Variants in RBFOX1 observed in about 807,000 individuals in gnomAD.
RBFOX1 encodes RNA binding fox-1 homolog 1.
In RBFOX1, 8 loss-of-function variants were observed where a neutral mutation model predicts 57.7. That is an observed-to-expected ratio of 0.14 (90% CI 0.08 to 0.25). RBFOX1 has a LOEUF of 0.25. Among genes scored for constraint, RBFOX1 ranks in the 10% least tolerant of loss-of-function variants. RBFOX1 has a pLI of 1.00. For synonymous variants in RBFOX1, 326 were observed against 222.4 expected, an observed-to-expected ratio of 1.47 and a Z score of -4.15; for missense variants, 611 against 548.5, an observed-to-expected ratio of 1.11 and a Z score of -1.14.
chr16:6,374,401 A>G (rs886345288), intron 2 of RBFOX1, among the ~76,000 whole-genome samples: 1 of 152,110 alleles, frequency 6.6e-6, no homozygotes, highest in Non-Finnish European at 1.5e-5. Context: ...ATCCTTTTCT[A>G]TTTTCTCATA....
At chr16:7,437,151 G>A (rs1039869947) in intron 4 of RBFOX1, among the ~76,000 whole-genome samples, 6 of 151,874 alleles carry the variant, frequency 4.0e-5, no homozygotes, top group East Asian at 1.9e-4. Flanking sequence ...CCATAGGATC[G>A]TTTAATCTGT....
chr16:5,918,706 TAC>T (rs1490689182), intron 4 of RBFOX1, among the ~76,000 whole-genome samples: 1 of 152,228 alleles, frequency 6.6e-6, no homozygotes, highest in African/African-American at 2.4e-5. Flanking sequence ...ACTCCAGAGT[TAC>T]AAAGTACCCA....
Position 6,021,017 on chromosome 16 carries a change from C to T in RBFOX1, c.-127+1025C>T, listed in dbSNP as rs528551004. On this transcript the variant is annotated intron_variant, in intron 1 of 15. Coordinates refer to ENST00000550418, the MANE Select transcript of RBFOX1 (RefSeq NM_018723.4). The stretch of plus-strand genomic sequence containing the variant: ...CAGAGCTGGGGTGCACCTGCTGGCA[C>T]TGGAACATCTGGGGTGCGGCTACTG... Among the ~76,000 whole-genome samples, 5 of 152,296 alleles carry T rather than the reference C, an allele frequency of 3.3e-5. No homozygotes were observed. In the South Asian group the frequency reaches 8.3e-4, roughly 25 times the overall value.
At chr16:6,854,252 T>C (rs985106743) in intron 3 of RBFOX1, among the ~76,000 whole-genome samples, 10 of 152,240 alleles carry the variant, frequency 6.6e-5, no homozygotes, top group Admixed American at 6.5e-4. Context: ...CATATACCAT[T>C]AGCACCATTT....
At chr16:6,142,377 G>A (rs922676682) in intron 1 of RBFOX1, among the ~76,000 whole-genome samples, 2 of 151,286 alleles carry the variant, frequency 1.3e-5, no homozygotes, top group Non-Finnish European at 2.9e-5. Flanking sequence ...GCCCGCCTCC[G>A]CACGTGGCTA....
At chr16:6,876,372 A>G (rs1257939569) in intron 3 of RBFOX1, among the ~76,000 whole-genome samples, 1 of 152,050 alleles carries the variant, frequency 6.6e-6, no homozygotes, top group Non-Finnish European at 1.5e-5. Context: ...TATTAATACC[A>G]TCCAACCCCT....
At chr16:7,496,050 A>G (rs2068534569) in intron 4 of RBFOX1, among the ~76,000 whole-genome samples, 1 of 152,218 alleles carries the variant, frequency 6.6e-6, no homozygotes, top group South Asian at 2.1e-4. Flanking sequence ...GTGTGGTGGG[A>G]AGATACTAGG....
chr16:6,351,819 C>T (rs1222708835), intron 2 of RBFOX1, among the ~76,000 whole-genome samples: 9 of 152,082 alleles, frequency 5.9e-5, no homozygotes, highest in Non-Finnish European at 7.4e-5. Flanking sequence ...TTAGCATTTC[C>T]TGAGGTACGT....
At chr16:5,242,812 A>C (rs2062199647) in intron 1 of RBFOX1, among the ~76,000 whole-genome samples, 1 of 152,012 alleles carries the variant, frequency 6.6e-6, no homozygotes, top group Admixed American at 6.6e-5. Flanking sequence ...TGAGGTTTTA[A>C]TGTGACTGGG....
At chr16:7,191,339 G>GA (rs71147668) in intron 4 of RBFOX1, among the ~76,000 whole-genome samples, 5,744 of 142,714 alleles carry the variant, frequency 0.04, 149 homozygotes, top group South Asian at 0.098. Context: ...GACAAAAAAA[G>GA]AAAAAAAAAA....
chr16:6,796,066 G>C (rs766541947), intron 3 of RBFOX1, among the ~76,000 whole-genome samples: 5 of 152,090 alleles, frequency 3.3e-5, no homozygotes, highest in African/African-American at 4.8e-5. Flanking sequence ...ATTTACAAAA[G>C]AAAGAGGTTT....
At chr16:6,462,776 G>A (rs1321520244) in intron 2 of RBFOX1, among the ~76,000 whole-genome samples, 1 of 150,506 alleles carries the variant, frequency 6.6e-6, no homozygotes, top group Middle Eastern at 3.2e-3. Flanking sequence ...AACACTGGAT[G>A]TTAGCAATCT....
intron 4 of RBFOX1, among the ~76,000 whole-genome samples, chr16:7,312,982 C>T (rs1211290854): frequency 6.6e-6 from 1 of 151,962 alleles, no homozygotes; most frequent in Non-Finnish European, 1.5e-5. Context: ...TCAGGATGGA[C>T]CGGGGAAGCT....
chr16:6,727,941 G>A (rs76520934), intron 3 of RBFOX1, among the ~76,000 whole-genome samples: 2,546 of 152,196 alleles, frequency 0.017, 38 homozygotes, highest in Middle Eastern at 0.031. Context: ...TACTACGTAC[G>A]CACAGAGATG....
At chr16:6,245,045 G>A (rs752258298) in intron 1 of RBFOX1, among the ~76,000 whole-genome samples, 22 of 151,900 alleles carry the variant, frequency 1.4e-4, no homozygotes, top group Admixed American at 9.2e-4. Context: ...ATTCTTCCTC[G>A]TCCTCTTGTT....
At chr16:6,013,888 C>T (rs1193907150) in intron 4 of RBFOX1, among the ~76,000 whole-genome samples, 1 of 148,816 alleles carries the variant, frequency 6.7e-6, no homozygotes, top group Non-Finnish European at 1.5e-5. Flanking sequence ...CGCATGTTTT[C>T]ACTCACAGGT....
rs7403941 is a variant in RBFOX1, at chr16:7,514,913, C to A, written c.28-3234C>A. 1.1e-4 allele frequency among the ~76,000 whole-genome samples: 17 copies of A among 152,274 alleles called. No homozygotes were observed. The East Asian group carries it at 3.1e-3, about 28-fold the overall frequency. ...TTATATATGTTCCTGGTGAAAGTAT[C>A]TTCTGCTGGAGGTGGAGGAGGGAAA... On this transcript the variant is annotated intron_variant, in intron 4 of 15. Coordinates refer to ENST00000550418, the MANE Select transcript of RBFOX1 (RefSeq NM_018723.4).
chr16:7,110,138 C>T (rs1396918647), intron 4 of RBFOX1, among the ~76,000 whole-genome samples: 1 of 149,966 alleles, frequency 6.7e-6, no homozygotes, highest in African/African-American at 2.5e-5. Flanking sequence ...TTGTTTGAGG[C>T]CAGGAGTGTG....
In RBFOX1 at chr16:6,158,859, G is replaced by A. The variant is rs140586314; in HGVS notation, c.-127+138867G>A. On this transcript the variant is annotated intron_variant, in intron 1 of 15. Transcript: ENST00000550418. ...TAGACAGGCACCTATTAAAAGTGAA[G>A]TTGGTTTTCTAGCTTTTTCTGACTA... Among the ~76,000 whole-genome samples the A allele has an allele frequency of 3.3e-5, 5 of 152,046 alleles. No homozygotes were observed. The East Asian group carries it at 7.8e-4, about 24-fold the overall frequency.
Sources: allele counts gnomAD v4.1 joint callset (sites outside exome capture counted in the v4.1 genomes callset), GRCh38; gene constraint gnomAD v4.1.1; transcripts MANE v1.5; gene names NCBI Gene and HGNC (gene_info 2026-07-23, HGNC 2026-07-21).